Variants in CSMD3 observed in about 807,000 individuals in gnomAD.
The protein encoded by CSMD3 is CUB and sushi domain-containing protein 3.
A neutral mutation model predicts 435.2 loss-of-function variants in CSMD3; 177 were observed. The observed-to-expected ratio is 0.41, with a 90% CI of 0.36 to 0.46. The LOEUF (loss-of-function observed/expected upper bound fraction) is 0.46, where lower values mean the gene tolerates loss of function less well. CSMD3 is among the 20% of genes least tolerant of loss of function. CSMD3 has a pLI of 0.34. For synonymous variants in CSMD3, 1,656 were observed against 1,520.5 expected (o/e 1.09, Z -2.07); for missense variants, 4,265 against 4,504.6 (o/e 0.95, Z 1.52).
At chr8:112,438,211 C>T (rs555745726) in intron 32 of CSMD3, among the ~76,000 whole-genome samples, 1 of 152,104 alleles carries the variant, frequency 6.6e-6, no homozygotes, top group Non-Finnish European at 1.5e-5. Context: ...AAAATTTACC[C>T]ATTTAAATGT....
chr8:112,686,338 T>C (rs1285873712), intron 14 of CSMD3, among the ~76,000 whole-genome samples: 1 of 152,158 alleles, frequency 6.6e-6, no homozygotes, highest in African/African-American at 2.4e-5. Flanking sequence ...TCCAGTTTTT[T>C]TAACTTTTAA....
Position 112,573,653 on chromosome 8 carries a change from T to G in CSMD3, c.3890A>C (p.Tyr1297Ser), listed in dbSNP as rs199762300. 5.1e-6 allele frequency: 8 copies of G among 1,564,076 alleles called. No homozygotes were observed. Among genetic ancestry groups the G allele is most frequent in the Non-Finnish European group, 7.0e-6 (8 of 1,140,248 alleles). ...HLAQGDVLKI[Y>S]DGKDKTTHLL... Reference sequence around the variant, plus strand: ...ATGAGTCGTTTTATCTTTTCCATCATAAATCTGCAAAATATATTTATAATT... The same window carrying G: ...ATGAGTCGTTTTATCTTTTCCATCAGAAATCTGCAAAATATATTTATAATT... Residue 1297 changes from tyrosine to serine, a missense_variant, in exon 24 of 71, where the codon TAT becomes TCT. By Grantham distance (144) the Tyr-to-Ser change is moderately radical. Transcript: ENST00000297405.
chr8:113,025,525 T>A (rs1012078879), intron 5 of CSMD3, among the ~76,000 whole-genome samples: 1 of 152,238 alleles, frequency 6.6e-6, no homozygotes, highest in East Asian at 1.9e-4. Context: ...GGACCTCCAC[T>A]AGGCCAGCTA....
chr8:113,306,802 C>G (rs1163545332), intron 2 of CSMD3, among the ~76,000 whole-genome samples: 1 of 152,058 alleles, frequency 6.6e-6, no homozygotes, highest in Non-Finnish European at 1.5e-5. Context: ...AAGAAATGGT[C>G]TAACAATTAC....
At chr8:112,997,923 TAAG>T (rs1372222955) in intron 6 of CSMD3, among the ~76,000 whole-genome samples, 5 of 150,442 alleles carry the variant, frequency 3.3e-5, no homozygotes, top group African/African-American at 7.3e-5. Context: ...GAATTTGAAA[TAAG>T]AAGACTTGCA....
chr8:113,012,440 T>C (rs191067331), intron 6 of CSMD3, among the ~76,000 whole-genome samples: 47 of 152,126 alleles, frequency 3.1e-4, no homozygotes, highest in African/African-American at 1.0e-3. Context: ...TCATCTTGAA[T>C]TGTAATCCCC....
chr8:112,720,955 T>C (rs1425159053), intron 13 of CSMD3, among the ~76,000 whole-genome samples: 2 of 152,238 alleles, frequency 1.3e-5, no homozygotes, highest in African/African-American at 4.8e-5. Context: ...AATTTCACTG[T>C]ATATATTGTT....
rs191084235 is a variant in CSMD3, at chr8:113,252,165, C to T, written c.514+26427G>A. Among the ~76,000 whole-genome samples the T allele has an allele frequency of 2.9e-3, 436 of 152,146 alleles. 1 individual carries two copies. The highest frequency in any genetic ancestry group is 9.5e-3 in the African/African-American group (394 of 41,542). Reference sequence around the variant, plus strand: ...CTTCTACTATTTATGAATCTTTTATCTGTTAGTGATCTTCCCTTCTCTCTC... The same window carrying T: ...CTTCTACTATTTATGAATCTTTTATTTGTTAGTGATCTTCCCTTCTCTCTC... On this transcript the variant is annotated intron_variant, in intron 3 of 70. Transcript: ENST00000297405.
intron 5 of CSMD3, among the ~76,000 whole-genome samples, chr8:113,023,823 G>A (rs2086774629): frequency 6.6e-6 from 1 of 151,862 alleles, no homozygotes. Flanking sequence ...ATACTTATGG[G>A]GTACAATGTG....
chr8:113,090,305 AT>A (rs2089959779), intron 5 of CSMD3, among the ~76,000 whole-genome samples: 1 of 152,122 alleles, frequency 6.6e-6, no homozygotes, highest in Non-Finnish European at 1.5e-5. Flanking sequence ...AAGAAATTAT[AT>A]TTTGATGATC....
intron 2 of CSMD3, among the ~76,000 whole-genome samples, chr8:113,285,919 A>T (rs2132500507): frequency 6.6e-6 from 1 of 152,210 alleles, no homozygotes; most frequent in Non-Finnish European, 1.5e-5. Flanking sequence ...TTATTTTTTT[A>T]CATTTCAACT....
chr8:112,939,005 T>C (rs1258941025), intron 9 of CSMD3, among the ~76,000 whole-genome samples: 1 of 152,148 alleles, frequency 6.6e-6, no homozygotes, highest in African/African-American at 2.4e-5. Flanking sequence ...AGTTAAAATA[T>C]GATATATGTA....
intron 9 of CSMD3, among the ~76,000 whole-genome samples, chr8:112,923,210 T>G (rs2082800774): frequency 6.6e-6 from 1 of 152,116 alleles, no homozygotes; most frequent in African/African-American, 2.4e-5. Flanking sequence ...CTCCCTGCAA[T>G]CTGTTCTTAA....
intron 1 of CSMD3, among the ~76,000 whole-genome samples, chr8:113,426,254 C>T (rs1157083340): frequency 6.6e-6 from 1 of 151,154 alleles, no homozygotes; most frequent in Non-Finnish European, 1.5e-5. Flanking sequence ...TTCAGAGAAG[C>T]CATTTCTGCA....
chr8:113,334,877 T>C (rs1366876983), intron 1 of CSMD3, among the ~76,000 whole-genome samples: 2 of 152,108 alleles, frequency 1.3e-5, no homozygotes, highest in Non-Finnish European at 2.9e-5. Flanking sequence ...CCTTTCATTA[T>C]GTTTTTAAAG....
At chr8:112,491,384 G>T (rs2130846080) in intron 31 of CSMD3, among the ~76,000 whole-genome samples, 1 of 152,254 alleles carries the variant, frequency 6.6e-6, no homozygotes, top group Middle Eastern at 3.4e-3. Flanking sequence ...GCCGGGTGCA[G>T]TGGCTCACTC....
chr8:112,527,350 TA>T (rs1484702246), intron 27 of CSMD3, among the ~76,000 whole-genome samples: 1 of 151,310 alleles, frequency 6.6e-6, no homozygotes, highest in Non-Finnish European at 1.5e-5. Flanking sequence ...TTCATATCAA[TA>T]AAAGGGTCAA....
intron 6 of CSMD3, among the ~76,000 whole-genome samples, chr8:113,007,585 T>C (rs1020413254): frequency 2.0e-5 from 3 of 151,944 alleles, no homozygotes; most frequent in African/African-American, 4.8e-5. Context: ...CTGTAAGATA[T>C]ATATTTCTGT....
intron 2 of CSMD3, among the ~76,000 whole-genome samples, chr8:113,301,215 G>T (rs1274012482): frequency 6.6e-6 from 1 of 152,038 alleles, no homozygotes. Flanking sequence ...CAGCATCCTT[G>T]TTTAGTGGTA....
Sources: gnomAD v4.1 joint callset for allele counts (sites outside exome capture counted in the v4.1 genomes callset) on GRCh38, gnomAD v4.1.1 for gene constraint, MANE v1.5 for transcripts, NCBI Gene and HGNC (gene_info 2026-07-23, HGNC 2026-07-21) for gene names.